ASCC3: variants seen among roughly 807,000 people sequenced by gnomAD.
ASCC3 encodes activating signal cointegrator 1 complex subunit 3.
Under a neutral mutation model 256.3 loss-of-function variants are expected in ASCC3, and 158 were observed. That is an observed-to-expected ratio of 0.62 (90% confidence interval 0.54 to 0.70). The LOEUF (loss-of-function observed/expected upper bound fraction) is 0.70, where lower values mean the gene tolerates loss of function less well. Ranked by LOEUF, ASCC3 falls within the 30% of genes least tolerant of loss-of-function variation. The pLI, the probability that ASCC3 is intolerant of heterozygous loss-of-function variation, is 0.00. For synonymous variants in ASCC3, 948 were observed against 883.4 expected (o/e 1.07, Z -1.30); for missense variants, 2,259 against 2,626.0 (o/e 0.86, Z 3.05).
At chr6:100,758,276 A>G (rs994594029) in intron 10 of ASCC3, among the ~76,000 whole-genome samples, 1 of 152,214 alleles carries the variant, frequency 6.6e-6, no homozygotes, top group Non-Finnish European at 1.5e-5. Flanking sequence ...GTTCAGGGAT[A>G]CATGTGCAGA....
In ASCC3 at chr6:100,767,410, T is replaced by C. The variant is rs543396028; in HGVS notation, c.1396-65A>G. The C allele has an allele frequency of 8.2e-6, 12 of 1,456,160 alleles. No homozygotes were observed. The South Asian group carries it at 1.2e-4, about 14-fold the overall frequency. The allele number at this position is 1,456,160 out of a possible 1,614,324, so 90.2% of individuals were successfully genotyped here. On this transcript the variant is annotated intron_variant, in intron 8 of 41. Coordinates refer to ENST00000369162, the MANE Select transcript of ASCC3 (RefSeq NM_006828.4). Reference sequence around the variant, plus strand: ...TGTGAAGGACCCATACAAATCATTATGTGTTAACATTTATTTCCTTTGTTT... The same window carrying C: ...TGTGAAGGACCCATACAAATCATTACGTGTTAACATTTATTTCCTTTGTTT...
Position 100,746,035 on chromosome 6 carries a change from G to T in ASCC3, c.1738-20332C>A, listed in dbSNP as rs1026216221. On this transcript the variant is annotated intron_variant, in intron 10 of 41. Transcript: ENST00000369162. ...GCTTATTTGTATAGCTTTCTTAAAAGATAGCTAATACTTATTGAAAACTTA... is the reference window on the plus strand; with the variant it reads ...GCTTATTTGTATAGCTTTCTTAAAATATAGCTAATACTTATTGAAAACTTA... Among the ~76,000 whole-genome samples, 24 of 151,696 alleles carry T rather than the reference G, an allele frequency of 1.6e-4. 1 individual carries two copies. The highest frequency in any genetic ancestry group is 2.9e-5 in the Non-Finnish European group (2 of 67,940).
At position 100,727,342 on chromosome 6, in the gene ASCC3, TCA is replaced by T. The variant is rs138544621; in HGVS notation, c.1738-1641_1738-1640del. On this transcript the variant is annotated intron_variant, in intron 10 of 41. Transcript: ENST00000369162. ...GAACGTCACGCCCAAATCCGCGTATTCACAGACTTGTCCCAAAAGGAATTTTT... is the reference window on the plus strand; with the variant it reads ...GAACGTCACGCCCAAATCCGCGTATTCAGACTTGTCCCAAAAGGAATTTTT... Among the ~76,000 whole-genome samples the T allele has an allele frequency of 1.1e-3, 167 of 152,148 alleles. 1 individual carries two copies. The East Asian group carries it at 0.03, about 27-fold the overall frequency.
At chr6:100,657,871 A>T (rs1456172285) in intron 16 of ASCC3, among the ~76,000 whole-genome samples, 2 of 151,546 alleles carry the variant, frequency 1.3e-5, no homozygotes, top group African/African-American at 4.8e-5. Context: ...AATGCCACCT[A>T]GTGACAAAAA....
chr6:100,705,009 C>T (rs1582728525), intron 13 of ASCC3, among the ~76,000 whole-genome samples: 2 of 151,826 alleles, frequency 1.3e-5, no homozygotes, highest in Admixed American at 6.6e-5. Flanking sequence ...AATTATTAGC[C>T]GGAATGATAA....
At chr6:100,870,661 CAG>C (rs1773699422) in intron 1 of ASCC3, among the ~76,000 whole-genome samples, 1 of 152,148 alleles carries the variant, frequency 6.6e-6, no homozygotes, top group African/African-American at 2.4e-5. Context: ...GAATTTTAAA[CAG>C]AGAAGTCAAA....
At chr6:100,582,663 C>A (rs1194848911) in intron 36 of ASCC3, among the ~76,000 whole-genome samples, 1 of 151,802 alleles carries the variant, frequency 6.6e-6, no homozygotes, top group Non-Finnish European at 1.5e-5. Context: ...CTGTCTTGTG[C>A]CAGTTTTCAA....
At chr6:100,693,220 T>C (rs557835138) in intron 13 of ASCC3, among the ~76,000 whole-genome samples, 1 of 152,246 alleles carries the variant, frequency 6.6e-6, no homozygotes, top group Non-Finnish European at 1.5e-5. Context: ...TTGATATTGT[T>C]ACAGGTATTT....
intron 13 of ASCC3, among the ~76,000 whole-genome samples, chr6:100,703,428 G>T (rs1778434121): frequency 6.6e-6 from 1 of 151,910 alleles, no homozygotes; most frequent in Non-Finnish European, 1.5e-5. Flanking sequence ...ATAATTTGGT[G>T]ACAGTAAAAT....
chr6:100,685,236 T>C (rs1777515212), intron 13 of ASCC3, among the ~76,000 whole-genome samples: 1 of 152,220 alleles, frequency 6.6e-6, no homozygotes, highest in African/African-American at 2.4e-5. Context: ...TGTTTTACAT[T>C]ATGTGGCACA....
chr6:100,795,411 G>A lies in ASCC3; in HGVS notation c.1395+3302C>T, dbSNP rs1177625551. Reference sequence around the variant, plus strand: ...AAAAGGAAATGGAGATAAAGAAAAAGAGACAAAGAGGAGAAAAAAATCTGA... The same window carrying A: ...AAAAGGAAATGGAGATAAAGAAAAAAAGACAAAGAGGAGAAAAAAATCTGA... On this transcript the variant is annotated intron_variant, in intron 8 of 41. Coordinates refer to ENST00000369162, the MANE Select transcript of ASCC3 (RefSeq NM_006828.4). Among the ~76,000 whole-genome samples the A allele has an allele frequency of 6.6e-5, 10 of 152,054 alleles. No homozygotes were observed. The East Asian group carries it at 1.9e-3, about 29-fold the overall frequency.
chr6:100,852,812 T>C (rs936059329), intron 3 of ASCC3, among the ~76,000 whole-genome samples: 5 of 152,148 alleles, frequency 3.3e-5, no homozygotes, highest in African/African-American at 1.2e-4. Flanking sequence ...ACATAAGCTG[T>C]AAACCGGAAA....
chr6:100,542,553 G>A (rs1469054064), intron 36 of ASCC3, among the ~76,000 whole-genome samples: 1 of 151,950 alleles, frequency 6.6e-6, no homozygotes, highest in African/African-American at 2.4e-5. Flanking sequence ...ATGGTGGCAC[G>A]CACCTGTAGT....
intron 37 of ASCC3, 70 bp from the exon 38 acceptor site, chr6:100,518,212 T>G: frequency 1.9e-6 from 3 of 1,548,948 alleles, no homozygotes; most frequent in South Asian, 2.3e-5. Context: ...GGGATTCTGA[T>G]GTTAGCTTTA....
chr6:100,529,838 T>G (rs1308908786), intron 37 of ASCC3, among the ~76,000 whole-genome samples: 1 of 152,166 alleles, frequency 6.6e-6, no homozygotes, highest in Non-Finnish European at 1.5e-5. Flanking sequence ...GAGTAATAAT[T>G]GTACTGCTTC....
At chr6:100,840,630 G>A (rs186066095) in intron 4 of ASCC3, among the ~76,000 whole-genome samples, 312 of 151,120 alleles carry the variant, frequency 2.1e-3, no homozygotes, top group Admixed American at 3.7e-3. Context: ...ATACTACTCT[G>A]CAACCATTAA....
chr6:100,589,797 T>C, intron 35 of ASCC3, 29 bp from the exon 36 acceptor site: 1 of 1,612,896 alleles, frequency 6.2e-7, no homozygotes, highest in East Asian at 2.2e-5. Flanking sequence ...AAATGAAGAG[T>C]ACGATGAAAG....
Position 100,709,719 on chromosome 6 carries a change from T to G in ASCC3, c.2151+5743A>C, listed in dbSNP as rs554003512. Among the ~76,000 whole-genome samples the G allele has an allele frequency of 7.9e-5, 12 of 152,244 alleles. No individual in the cohort carries two copies. In the South Asian group the frequency reaches 2.1e-3, roughly 26 times the overall value. On this transcript the variant is annotated intron_variant, in intron 13 of 41. Transcript: ENST00000369162. Reference sequence around the variant, plus strand: ...ATATAAAACTGTATATATGGTATAATTATAATTTAGTAATGCAGTATAACT... The same window carrying G: ...ATATAAAACTGTATATATGGTATAAGTATAATTTAGTAATGCAGTATAACT...
intron 10 of ASCC3, among the ~76,000 whole-genome samples, chr6:100,740,686 A>G (rs1442363100): frequency 2.3e-4 from 35 of 151,844 alleles, no homozygotes. Flanking sequence ...GTCTTTTTTT[A>G]TCTTTGTTGG....
Sources: gnomAD v4.1 joint callset for allele counts (sites outside exome capture counted in the v4.1 genomes callset) on GRCh38, gnomAD v4.1.1 for gene constraint, MANE v1.5 for transcripts, NCBI Gene and HGNC (gene_info 2026-07-23, HGNC 2026-07-21) for gene names.